GOSR2: variants seen among roughly 807,000 people sequenced by gnomAD.
GOSR2 encodes golgi SNAP receptor complex member 2, also known as 27 kDa Golgi SNARE protein.
Under a neutral mutation model 27.9 loss-of-function variants are expected in GOSR2, and 20 were observed. The observed-to-expected ratio is 0.72, with a 90% CI of 0.50 to 1.04. The LOEUF is 1.04. Among genes scored for constraint, GOSR2 ranks in the 50% least tolerant of loss-of-function variants. The pLI is 0.00. For synonymous variants in GOSR2, 91 were observed against 98.8 expected (o/e 0.92, Z 0.47); for missense variants, 261 against 270.5 (o/e 0.97, Z 0.25).
chr17:46,971,145 G>A (rs561795288), downstream of GOSR2, among the ~76,000 whole-genome samples: 5 of 152,162 alleles, frequency 3.3e-5, no homozygotes, highest in East Asian at 1.9e-4. Flanking sequence ...TGAGACCAGC[G>A]TGGCCGACAT....
intron 6 of GOSR2, among the ~76,000 whole-genome samples, chr17:46,948,380 G>A (rs1367268252): frequency 1.3e-5 from 2 of 152,186 alleles, no homozygotes; most frequent in Non-Finnish European, 2.9e-5. Context: ...TCATTCAGCT[G>A]GTGTGATTGT....
At chr17:46,936,853 G>A (rs2088472250) in intron 5 of GOSR2, 1 of 983,352 alleles carries the variant, frequency 1.0e-6, no homozygotes, top group African/African-American at 1.8e-5. Context: ...CTCTGGCTGA[G>A]GCTTCTTAAT....
rs2088065254 is a variant in GOSR2 at position 46,935,046 on chromosome 17, A to G, written c.354A>G (p.Ile118Met). 3 of 1,612,896 alleles carry G rather than the reference A, an allele frequency of 1.9e-6. No individual in the cohort carries two copies. The highest frequency in any genetic ancestry group is 2.7e-5 in the African/African-American group (2 of 74,914). ...TFTTNDSDTT[I>M]PMDESLQFNS... The stretch of plus-strand genomic sequence containing the variant: ...TTTCACAGGACTCTGACACCACCAT[A>G]CCAATGGACGAATCACTGCAGTTTA... Residue 118 changes from isoleucine (I) to methionine (M), a missense_variant, in exon 5 of 6, where the codon ATA becomes ATG. Transcript: ENST00000640051.
chr17:46,934,926 C>G lies in GOSR2; in HGVS notation c.337-103C>G, dbSNP rs866215225. On this transcript the variant is annotated intron_variant, in intron 4 of 5. Transcript: ENST00000640051. ...GGGTCCGCTGATTCTTTCACCAGCC[C>G]CTCCGGCTGTTCTGGCTTGGCCTTG... The G allele has an allele frequency of 2.4e-5, 24 of 1,006,952 alleles. No individual in the cohort carries two copies. In the Middle Eastern group the frequency reaches 1.4e-3, roughly 60 times the overall value. 62.4% of individuals were successfully genotyped at this position (1,006,952 alleles called of 1,614,324 possible). A position where few individuals can be genotyped will look rare whatever the true frequency, so the allele number is the denominator to read the frequency against.
At chr17:46,944,295 C>T (rs1040003178), downstream of GOSR2, among the ~76,000 whole-genome samples, 3 of 152,352 alleles carry the variant, frequency 2.0e-5, no homozygotes, top group East Asian at 1.9e-4. Context: ...GTGGTAAGAG[C>T]GCTGAGCCCA....
At chr17:46,961,315 A>C (rs1201624572) in intron 6 of GOSR2, among the ~76,000 whole-genome samples, 1 of 152,178 alleles carries the variant, frequency 6.6e-6, no homozygotes, top group African/African-American at 2.4e-5. Context: ...AGGCAGGAGG[A>C]TCTCTTGAGG....
chr17:46,937,428 T>G (rs575522077), intron 5 of GOSR2: 1 of 152,362 alleles, frequency 6.6e-6, no homozygotes, highest in Admixed American at 6.5e-5. Flanking sequence ...ATTCTAATTT[T>G]AAGTATTTTT....
At chr17:46,936,317 G>C in intron 5 of GOSR2, 2 of 985,324 alleles carry the variant, frequency 2.0e-6, no homozygotes, top group Non-Finnish European at 2.4e-6. Flanking sequence ...AAGAGCCAGT[G>C]GGGGTTAGAG....
At chr17:46,946,660 C>T (rs1249002840), downstream of GOSR2, among the ~76,000 whole-genome samples, 1 of 152,068 alleles carries the variant, frequency 6.6e-6, no homozygotes, top group African/African-American at 2.4e-5. Context: ...GCCAGGAGTT[C>T]GAGACCAGCC....
downstream of GOSR2, among the ~76,000 whole-genome samples, chr17:46,970,674 C>T (rs2091383002): frequency 6.6e-6 from 1 of 152,184 alleles, no homozygotes; most frequent in Non-Finnish European, 1.5e-5. Flanking sequence ...ACTGGAGCCG[C>T]TCCACTCACG....
intron 6 of GOSR2, among the ~76,000 whole-genome samples, chr17:46,949,587 C>A (rs2090175566): frequency 6.6e-6 from 1 of 152,136 alleles, no homozygotes; most frequent in Admixed American, 6.5e-5. Flanking sequence ...GCCACACTCC[C>A]CTTGAATGAT....
Position 46,940,289 on chromosome 17 carries a change from G to C in GOSR2, c.*1529G>C, listed in dbSNP as rs2089078977. The C allele has an allele frequency of 7.0e-7, 1 of 1,437,304 alleles. No individual in the cohort carries two copies. Among genetic ancestry groups the C allele is most frequent in the Non-Finnish European group, 9.1e-7 (1 of 1,100,336 alleles). The allele number at this position is 1,437,304 out of a possible 1,614,324, so 89.0% of individuals were successfully genotyped here. On this transcript the variant is annotated 3_prime_UTR_variant, in exon 6 of 6. Transcript: ENST00000640051. ...GATCTCCATTGTTCCTACCCCTCCG[G>C]GCCAAATGGGCCCCAGGTTTCCAAG...
chr17:46,957,342 G>T (rs1382670480), intron 6 of GOSR2, among the ~76,000 whole-genome samples: 1 of 152,176 alleles, frequency 6.6e-6, no homozygotes, highest in Non-Finnish European at 1.5e-5. Flanking sequence ...GCTAAGCGCT[G>T]TGGCTCACGC....
chr17:46,965,803 T>A (rs1185501131), intron 6 of GOSR2, among the ~76,000 whole-genome samples: 1 of 151,708 alleles, frequency 6.6e-6, no homozygotes, highest in South Asian at 2.1e-4. Context: ...TTGTATTTTT[T>A]TTTTTTTTGT....
intron 6 of GOSR2, among the ~76,000 whole-genome samples, chr17:46,951,831 G>A (rs968896677): frequency 3.9e-5 from 6 of 152,202 alleles, no homozygotes; most frequent in East Asian, 1.9e-4. Flanking sequence ...CACTCTGCCC[G>A]CCTTTCAGCC....
At chr17:46,955,227 G>C (rs551248052) in intron 6 of GOSR2, among the ~76,000 whole-genome samples, 6 of 149,006 alleles carry the variant, frequency 4.0e-5, no homozygotes, top group African/African-American at 5.0e-5. Context: ...TAGCATGAAG[G>C]GTTGTTGAAT....
intron 3 of GOSR2, 139 bp from the exon 4 acceptor site, chr17:46,931,928 C>A (rs1598987062): frequency 2.6e-6 from 2 of 767,836 alleles, no homozygotes; most frequent in Middle Eastern, 3.6e-4. Flanking sequence ...AAAATTAGAT[C>A]TTGTGGTGAG....
intron 1 of GOSR2, among the ~76,000 whole-genome samples, chr17:46,926,177 T>C (rs1385769609): frequency 6.6e-6 from 1 of 152,230 alleles, no homozygotes; most frequent in African/African-American, 2.4e-5. Flanking sequence ...CAAGACCATG[T>C]TTTTCCTTTA....
intron 6 of GOSR2, among the ~76,000 whole-genome samples, chr17:46,974,651 G>A (rs1208206686): frequency 5.0e-4 from 76 of 151,914 alleles, no homozygotes; most frequent in Non-Finnish European, 1.0e-4. Context: ...GGAGGATGGC[G>A]TGAACCCGGG....
Sources: gnomAD v4.1 joint callset for allele counts (sites outside exome capture counted in the v4.1 genomes callset) on GRCh38, gnomAD v4.1.1 for gene constraint, MANE v1.5 for transcripts, NCBI Gene and HGNC (gene_info 2026-07-23, HGNC 2026-07-21) for gene names.